The following RBFOX1 variants were observed in gnomAD, a reference collection of about 807,000 sequenced individuals.
The protein encoded by RBFOX1 is RNA binding fox-1 homolog 1.
A neutral mutation model predicts 57.7 loss-of-function variants in RBFOX1; 8 were observed. The observed-to-expected ratio is 0.14, with a 90% CI of 0.08 to 0.25. The LOEUF (loss-of-function observed/expected upper bound fraction) is 0.25, where lower values mean the gene tolerates loss of function less well. RBFOX1 is among the 10% of genes least tolerant of loss of function. RBFOX1 has a pLI of 1.00. For missense variants in RBFOX1, 611 were observed against 548.5 expected, an observed-to-expected ratio of 1.11 and a Z score of -1.14; for synonymous variants, 326 against 222.4, an observed-to-expected ratio of 1.47 and a Z score of -4.15.
At chr16:5,310,422 T>A (rs1321741047) in intron 1 of RBFOX1, among the ~76,000 whole-genome samples, 1 of 152,246 alleles carries the variant, frequency 6.6e-6, no homozygotes, top group African/African-American at 2.4e-5. Flanking sequence ...GTATGGACTT[T>A]GGAATTAGGC....
intron 2 of RBFOX1, among the ~76,000 whole-genome samples, chr16:5,470,623 C>G (rs142504343): frequency 6.6e-6 from 1 of 152,104 alleles, no homozygotes; most frequent in East Asian, 1.9e-4. Flanking sequence ...TAAATCCATG[C>G]AGCATCTGAG....
At chr16:5,572,197 GA>G (rs1423213303) in intron 2 of RBFOX1, among the ~76,000 whole-genome samples, 1 of 152,200 alleles carries the variant, frequency 6.6e-6, no homozygotes, top group Non-Finnish European at 1.5e-5. Flanking sequence ...TCCTGGATCA[GA>G]TAAGGGAGAC....
intron 4 of RBFOX1, among the ~76,000 whole-genome samples, chr16:7,058,166 C>A (rs2053064406): frequency 6.6e-6 from 1 of 152,108 alleles, no homozygotes; most frequent in Admixed American, 6.5e-5. Flanking sequence ...GCACGTCTTA[C>A]TCACAGCTTT....
At chr16:6,449,408 C>A (rs994105564) in intron 2 of RBFOX1, among the ~76,000 whole-genome samples, 1 of 152,208 alleles carries the variant, frequency 6.6e-6, no homozygotes, top group African/African-American at 2.4e-5. Flanking sequence ...ACATTCCAGG[C>A]TGTGAGTTTC....
chr16:7,393,302 G>T (rs2098076838), intron 4 of RBFOX1, among the ~76,000 whole-genome samples: 1 of 152,182 alleles, frequency 6.6e-6, no homozygotes, highest in Non-Finnish European at 1.5e-5. Flanking sequence ...GTTTGTGTCT[G>T]GGAAGATGGG....
intron 3 of RBFOX1, among the ~76,000 whole-genome samples, chr16:6,894,123 T>A (rs2066183575): frequency 6.6e-6 from 1 of 152,160 alleles, no homozygotes; most frequent in Non-Finnish European, 1.5e-5. Context: ...CATACATAGA[T>A]TATGGACAGA....
intron 4 of RBFOX1, among the ~76,000 whole-genome samples, chr16:7,496,508 A>T (rs1193180630): frequency 6.6e-6 from 1 of 152,060 alleles, no homozygotes; most frequent in African/African-American, 2.4e-5. Context: ...GGATGTAATG[A>T]GGTAATAGAT....
At chr16:7,396,948 T>G (rs1156592268) in intron 4 of RBFOX1, among the ~76,000 whole-genome samples, 1 of 150,428 alleles carries the variant, frequency 6.6e-6, no homozygotes, top group African/African-American at 2.5e-5. Context: ...AAAAGAAAAA[T>G]AAAAGAAAAA....
At chr16:7,375,567 G>C (rs1400148105) in intron 4 of RBFOX1, among the ~76,000 whole-genome samples, 1 of 150,148 alleles carries the variant, frequency 6.7e-6, no homozygotes, top group East Asian at 2.0e-4. Flanking sequence ...GAGTGCATTT[G>C]AGAAATGGGT....
intron 2 of RBFOX1, among the ~76,000 whole-genome samples, chr16:5,526,569 G>A (rs1232579917): frequency 6.6e-6 from 1 of 152,146 alleles, no homozygotes; most frequent in East Asian, 1.9e-4. Flanking sequence ...GATTATAGGT[G>A]TGAGCCACCA....
At chr16:6,215,668 A>G (rs548195025) in intron 1 of RBFOX1, among the ~76,000 whole-genome samples, 2 of 151,958 alleles carry the variant, frequency 1.3e-5, no homozygotes, top group African/African-American at 2.4e-5. Flanking sequence ...TTTGCAGCAC[A>G]TTTTGTCTCT....
chr16:7,644,263 A>C (rs1423406367), intron 11 of RBFOX1, among the ~76,000 whole-genome samples: 1 of 152,144 alleles, frequency 6.6e-6, no homozygotes, highest in Non-Finnish European at 1.5e-5. Context: ...CATGGTTCAT[A>C]TGGTTTTGTG....
At chr16:6,319,433 G>C (rs1001634777) in intron 2 of RBFOX1, among the ~76,000 whole-genome samples, 3 of 152,086 alleles carry the variant, frequency 2.0e-5, no homozygotes, top group African/African-American at 7.2e-5. Context: ...AGTACTTGTT[G>C]GATATAATGA....
chr16:6,766,702 A>C (rs538119698), intron 3 of RBFOX1, among the ~76,000 whole-genome samples: 3 of 151,730 alleles, frequency 2.0e-5, no homozygotes, highest in African/African-American at 7.2e-5. Flanking sequence ...GGACAACACA[A>C]CTCTAGAGCC....
chr16:5,248,229 C>G (rs2151071700), intron 1 of RBFOX1, among the ~76,000 whole-genome samples: 2 of 152,334 alleles, frequency 1.3e-5, no homozygotes, highest in African/African-American at 4.8e-5. Flanking sequence ...TAACATTTCC[C>G]CCAAGTTTTA....
intron 4 of RBFOX1, among the ~76,000 whole-genome samples, chr16:7,130,249 G>A (rs965527054): frequency 2.0e-5 from 3 of 151,924 alleles, no homozygotes; most frequent in African/African-American, 7.3e-5. Flanking sequence ...TGGCCAGGCT[G>A]GTCTTGAACT....
intron 1 of RBFOX1, among the ~76,000 whole-genome samples, chr16:6,175,278 C>T (rs548817818): frequency 2.0e-5 from 3 of 152,264 alleles, no homozygotes; most frequent in South Asian, 2.1e-4. Flanking sequence ...TTCCGTAATA[C>T]GTCCCTAGGA....
chr16:7,066,470 A>G (rs79085495), intron 4 of RBFOX1, among the ~76,000 whole-genome samples: 13 of 152,288 alleles, frequency 8.5e-5, no homozygotes, highest in African/African-American at 3.1e-4. Context: ...TCCAACTATG[A>G]CAGGTGGAAA....
chr16:7,563,088 A>G (rs545019032), intron 5 of RBFOX1, among the ~76,000 whole-genome samples: 1 of 152,274 alleles, frequency 6.6e-6, no homozygotes, highest in Admixed American at 6.5e-5. Context: ...CTGAACCTCA[A>G]TTTCTTTGCC....
Sources: allele counts gnomAD v4.1 joint callset (sites outside exome capture counted in the v4.1 genomes callset), GRCh38; gene constraint gnomAD v4.1.1; transcripts MANE v1.5; gene names NCBI Gene and HGNC (gene_info 2026-07-23, HGNC 2026-07-21).